Variants in WDR3 observed in about 807,000 individuals in gnomAD.
The protein encoded by WDR3 is WD repeat domain 3, also known as WD repeat-containing protein 3.
WDR3 carries 81 observed loss-of-function variants against 123.7 expected under a neutral mutation model. The observed-to-expected ratio is 0.65, with a 90% CI of 0.55 to 0.79. The LOEUF (loss-of-function observed/expected upper bound fraction) is 0.79, where lower values mean the gene tolerates loss of function less well. Among genes scored for constraint, WDR3 ranks in the 30% least tolerant of loss-of-function variants. The probability of loss-of-function intolerance (pLI) is 0.00; values close to 1 mark genes in which losing one functional copy is unlikely to be tolerated. For synonymous variants in WDR3, 390 were observed against 388.8 expected, an observed-to-expected ratio of 1.00 and a Z score of -0.04; for missense variants, 1,027 against 1,123.2, an observed-to-expected ratio of 0.91 and a Z score of 1.22.
intron 12 of WDR3, among the ~76,000 whole-genome samples, chr1:117,947,628 G>C (rs142546872): frequency 6.6e-6 from 1 of 152,246 alleles, no homozygotes; most frequent in African/African-American, 2.4e-5. Context: ...ATTTAATCCT[G>C]ACAACATCTT....
rs1224071689 is a variant in WDR3, at chr1:117,958,995, C to A, written c.2668C>A (p.Gln890Lys). The A allele has an allele frequency of 1.9e-6, 3 of 1,613,578 alleles. No homozygotes were observed. ...GGAAACAACTATTTCAAAAGTCAGC[C>A]AAGTCCGGGTAAGTGTCTTTGTATA... Reference protein sequence around the residue: ...LRETTISKVSQVRDVIGFNMA... With the variant: ...LRETTISKVSKVRDVIGFNMA... Residue 890 changes from glutamine (Q) to lysine (K), a missense_variant, in exon 26 of 27, where the codon CAA becomes AAA. Gln to Lys is a moderately conservative substitution (Grantham distance 53, BLOSUM62 1). Coordinates refer to ENST00000349139, the MANE Select transcript of WDR3 (RefSeq NM_006784.3).
rs562375891 is a variant in WDR3 at position 117,960,294 on chromosome 1, G to A, written c.*847G>A. 6.6e-6 allele frequency: 1 copy of A among 152,246 alleles called. No homozygotes were observed. The highest frequency in any genetic ancestry group is 2.1e-4 in the South Asian group (1 of 4,828). 9.4% of individuals were successfully genotyped at this position (152,246 alleles called of 1,614,324 possible). Reference sequence around the variant, plus strand: ...CCAAAGTCTTAAGTACTAGTAGCCTGTTATTGACTGGGAGCCTGACTGATG... The same window carrying A: ...CCAAAGTCTTAAGTACTAGTAGCCTATTATTGACTGGGAGCCTGACTGATG... On this transcript the variant is annotated 3_prime_UTR_variant, in exon 27 of 27. Transcript: ENST00000349139.
intron 3 of WDR3, 76 bp from the exon 4 acceptor site, chr1:117,936,693 A>C (rs897309227): frequency 8.8e-7 from 1 of 1,139,518 alleles, no homozygotes; most frequent in Admixed American, 2.2e-5. Context: ...TTAATAATTA[A>C]GTCTCATTGT....
At chr1:117,947,471 T>A (rs1349563962) in intron 12 of WDR3, among the ~76,000 whole-genome samples, 1 of 152,194 alleles carries the variant, frequency 6.6e-6, no homozygotes, top group Non-Finnish European at 1.5e-5. Context: ...ATCTCAAAAC[T>A]TTCCTTCCTT....
Position 117,952,605 on chromosome 1 carries a change from T to C in WDR3, c.2094T>C (p.Ser698=). The C allele has an allele frequency of 4.3e-6, 7 of 1,613,620 alleles. No individual in the cohort carries two copies. Among genetic ancestry groups the C allele is most frequent in the Non-Finnish European group, 5.1e-6 (6 of 1,179,642 alleles). The change falls in exon 19 of 27, where the codon TCT becomes TCC. Residue 698 remains serine, a synonymous_variant. Transcript: ENST00000349139. The stretch of plus-strand genomic sequence containing the variant: ...TTGTATCATCGTCCCATGACAAATC[T>C]CTGAGACTTTGGGAGAGAACAAGGG... ...DYVVSSSHDK[S]LRLWERTREP...
chr1:117,955,441 A>G, intron 24 of WDR3, 83 bp downstream of exon 24: 2 of 1,248,474 alleles, frequency 1.6e-6, no homozygotes, highest in South Asian at 2.6e-5. Flanking sequence ...ATAAATAGAA[A>G]TTATAATTGA....
chr1:117,944,510 A>G (rs1651298222), intron 11 of WDR3, among the ~76,000 whole-genome samples: 1 of 152,188 alleles, frequency 6.6e-6, no homozygotes, highest in South Asian at 2.1e-4. Flanking sequence ...ATTCATATAT[A>G]CAAATACTTT....
chr1:117,948,771 A>G (rs2101215621), intron 13 of WDR3, among the ~76,000 whole-genome samples: 2 of 152,246 alleles, frequency 1.3e-5, no homozygotes, highest in Middle Eastern at 3.4e-3. Flanking sequence ...TTAAGGGGGA[A>G]TATTCTCTTG....
In WDR3 at chr1:117,943,510, C is replaced by G. The variant is rs1267305192; in HGVS notation, c.1212C>G (p.Val404=). The G allele has an allele frequency of 6.2e-7, 1 of 1,613,960 alleles. No individual in the cohort carries two copies. The highest frequency in any genetic ancestry group is 1.3e-5 in the African/African-American group (1 of 74,880). Residue 404 remains valine, a synonymous_variant, in exon 11 of 27, where the codon GTC becomes GTG. Coordinates refer to ENST00000349139, the MANE Select transcript of WDR3 (RefSeq NM_006784.3). Reference sequence around the variant, plus strand: ...CATCCTTGCCTACTCCTCAGCCTGTCAGGACAAGCAGAATCACTATTGGGG... The same window carrying G: ...CATCCTTGCCTACTCCTCAGCCTGTGAGGACAAGCAGAATCACTATTGGGG... The part of the protein sequence containing the change: ...LNPSLPTPQP[V]RTSRITIGGH...
At chr1:117,935,202 A>G (rs975138733) in intron 3 of WDR3, among the ~76,000 whole-genome samples, 14 of 152,204 alleles carry the variant, frequency 9.2e-5, no homozygotes, top group African/African-American at 3.4e-4. Context: ...AGGTATTGAA[A>G]AGATGGTAGT....
At chr1:117,940,325 T>G (rs186272499) in intron 6 of WDR3, among the ~76,000 whole-genome samples, 3 of 152,186 alleles carry the variant, frequency 2.0e-5, no homozygotes, top group Admixed American at 2.0e-4. Context: ...CAGTTTTTAA[T>G]AAGTTCTGAT....
chr1:117,933,186 A>T, intron 1 of WDR3, 102 bp from the exon 2 acceptor site: 1 of 977,098 alleles, frequency 1.0e-6, no homozygotes, highest in Non-Finnish European at 1.5e-6. Context: ...CCTGGGCAAC[A>T]GAGTGAGACT....
At position 117,954,595 on chromosome 1, in the gene WDR3, A is replaced by G. The variant is rs765015744; in HGVS notation, c.2377A>G (p.Asn793Asp). The G allele has an allele frequency of 2.4e-5, 39 of 1,612,606 alleles. No individual in the cohort carries two copies. The South Asian group carries it at 4.2e-4, about 17-fold the overall frequency. ...TTCTTCATAGGTTCCACTTCCCAGC[A>G]ACCCCATCCTAATGGCTTATGGCAG... Reference protein sequence around the residue: ...AAGKEVPLPSNPILMAYGSIS... With the variant: ...AAGKEVPLPSDPILMAYGSIS... The change falls in exon 23 of 27, where the codon AAC becomes GAC. Residue 793 changes from asparagine to aspartate, a missense_variant. Coordinates refer to ENST00000349139, the MANE Select transcript of WDR3 (RefSeq NM_006784.3).
intron 20 of WDR3, 131 bp downstream of exon 20, chr1:117,953,127 A>G: frequency 2.7e-6 from 3 of 1,100,130 alleles, no homozygotes; most frequent in East Asian, 5.1e-5. Flanking sequence ...CAGCTGATAA[A>G]GAATCTGTGT....
intron 5 of WDR3, 58 bp from the exon 6 acceptor site, chr1:117,939,419 T>G: frequency 6.4e-7 from 1 of 1,569,316 alleles, no homozygotes. Context: ...GAATGTCATA[T>G]TATGCTACCT....
Position 117,955,334 on chromosome 1 carries a change from A to G in WDR3, c.2429A>G (p.Glu810Gly). Reference protein sequence around the residue: ...GSISPSAYVLEIFKGIKSSEL... With the variant: ...GSISPSAYVLGIFKGIKSSEL... ...TTATAGCCTTCAGCTTATGTATTAG[A>G]GATTTTTAAAGGGATCAAGTCGAGG... is the stretch of plus-strand genomic sequence containing the variant. Residue 810 changes from glutamate (E) to glycine (G), a missense_variant, in exon 24 of 27, where the codon GAG becomes GGG. Transcript: ENST00000349139. 1 of 1,612,578 alleles carries G rather than the reference A, an allele frequency of 6.2e-7. No homozygotes were observed. The highest frequency in any genetic ancestry group is 2.2e-5 in the East Asian group (1 of 44,828).
chr1:117,943,613 A>G lies in WDR3; in HGVS notation c.1315A>G (p.Lys439Glu). 6.2e-7 allele frequency: 1 copy of G among 1,614,008 alleles called. No individual in the cohort carries two copies. The highest frequency in any genetic ancestry group is 1.1e-5 in the South Asian group (1 of 91,080). ...TCTTTCAGCTGCAGCTGATTCCATT[A>G]AAATATGGAACAGGTTCGTGAAATG... The part of the protein sequence containing the change: ...AVLSAAADSI[K>E]IWNRSTLQCI... The change falls in exon 11 of 27, where the codon AAA becomes GAA. Residue 439 changes from lysine to glutamate, a missense_variant. Physicochemically the swap from Lys to Glu is moderately conservative, Grantham distance 56. Transcript: ENST00000349139.
In WDR3 at chr1:117,933,565, T is replaced by G. The variant is rs1030393093; in HGVS notation, c.171+75T>G. 10 of 1,580,664 alleles carry G rather than the reference T, an allele frequency of 6.3e-6. No individual in the cohort carries two copies. In the African/African-American group the frequency reaches 1.4e-4, roughly 22 times the overall value. ...GGAGAGGTAGTAGAAGTGGGGGGGC[T>G]CTGATTTATTTATCATGAGTTTTTT... On this transcript the variant is annotated intron_variant, in intron 2 of 26. Coordinates refer to ENST00000349139, the MANE Select transcript of WDR3 (RefSeq NM_006784.3).
In WDR3 at chr1:117,959,309, T is replaced by C. The variant is rs751358041; in HGVS notation, c.2694T>C (p.Asn898=). ...CACTCCAGGATGTTATCGGCTTCAA[T>C]ATGGCTGGTCTTGATTATCTCAAGA... ...VSQVRDVIGF[N]MAGLDYLKRE... is the part of the protein sequence containing the mutation. Residue 898 remains asparagine, a synonymous_variant, in exon 27 of 27, where the codon AAT becomes AAC. Coordinates refer to ENST00000349139, the MANE Select transcript of WDR3 (RefSeq NM_006784.3). 1 of 1,611,520 alleles carries C rather than the reference T, an allele frequency of 6.2e-7. No individual in the cohort carries two copies. The highest frequency in any genetic ancestry group is 8.5e-7 in the Non-Finnish European group (1 of 1,179,326).
Sources: allele counts gnomAD v4.1 joint callset (sites outside exome capture counted in the v4.1 genomes callset), GRCh38; gene constraint gnomAD v4.1.1; transcripts MANE v1.5; gene names NCBI Gene and HGNC (gene_info 2026-07-23, HGNC 2026-07-21).